The following PPFIA2 variants were observed in gnomAD, a reference collection of about 807,000 sequenced individuals.
The protein encoded by PPFIA2 is liprin-alpha-2.
In PPFIA2, 46 loss-of-function variants were observed where a neutral mutation model predicts 175.5. That is an observed-to-expected ratio of 0.26 (90% CI 0.21 to 0.34). PPFIA2 has a LOEUF of 0.34. PPFIA2 is among the 10% of genes least tolerant of loss of function. The pLI, the probability that PPFIA2 is intolerant of heterozygous loss-of-function variation, is 1.00. For missense variants in PPFIA2, 1,179 were observed against 1,506.1 expected (o/e 0.78, Z 3.60); for synonymous variants, 568 against 511.4 (o/e 1.11, Z -1.49).
chr12:81,696,272 C>T (rs1332349396), intron 3 of PPFIA2, among the ~76,000 whole-genome samples: 2 of 152,086 alleles, frequency 1.3e-5, no homozygotes, highest in African/African-American at 4.8e-5. Flanking sequence ...CAGTAGTAGA[C>T]AGTGAAATAC....
chr12:81,455,961 A>C (rs1322060001), intron 5 of PPFIA2, among the ~76,000 whole-genome samples: 1 of 152,176 alleles, frequency 6.6e-6, no homozygotes, highest in Non-Finnish European at 1.5e-5. Context: ...GGGGCTGAAG[A>C]AAAAAGGCTA....
At chr12:81,436,081 C>A (rs2048933672) in intron 7 of PPFIA2, among the ~76,000 whole-genome samples, 1 of 151,334 alleles carries the variant, frequency 6.6e-6, no homozygotes, top group African/African-American at 2.4e-5. Flanking sequence ...AGTTAAAGAC[C>A]AGCCTGGGCA....
At chr12:81,717,281 GTTC>G (rs72411865) in intron 3 of PPFIA2, among the ~76,000 whole-genome samples, 48,212 of 151,326 alleles carry the variant, frequency 0.32, 8,591 homozygotes, top group Middle Eastern at 0.48. Context: ...ATGAAACAGT[GTTC>G]TTCTTTTGTT....
At chr12:81,294,658 T>C in intron 24 of PPFIA2, 177 bp downstream of exon 24, 1 of 635,410 alleles carries the variant, frequency 1.6e-6, no homozygotes, top group African/African-American at 1.8e-5. Context: ...TGAATCATAG[T>C]TCCTCATTTG....
chr12:81,688,802 A>AATATAT (rs3075480), intron 3 of PPFIA2, among the ~76,000 whole-genome samples: 33,337 of 140,408 alleles, frequency 0.24, 4,141 homozygotes, highest in Non-Finnish European at 0.28. Context: ...TGGTTTATTA[A>AATATAT]ATATATATAT....
chr12:81,298,968 T>A (rs1418391436), intron 23 of PPFIA2, among the ~76,000 whole-genome samples: 1 of 152,144 alleles, frequency 6.6e-6, no homozygotes, highest in African/African-American at 2.4e-5. Context: ...GTCTTCTCTG[T>A]AACCTGCTAA....
intron 4 of PPFIA2, among the ~76,000 whole-genome samples, chr12:81,467,936 A>C (rs2056003359): frequency 6.6e-6 from 1 of 152,070 alleles, no homozygotes; most frequent in Non-Finnish European, 1.5e-5. Context: ...TCCTGCTCTA[A>C]GTTTGAGTGG....
chr12:81,498,987 C>A (rs1006007154), intron 4 of PPFIA2, among the ~76,000 whole-genome samples: 4 of 152,168 alleles, frequency 2.6e-5, no homozygotes, highest in Non-Finnish European at 5.9e-5. Context: ...AACTGTGCAT[C>A]AAGCAATAGA....
chr12:81,686,214 A>T (rs554406448), intron 3 of PPFIA2, among the ~76,000 whole-genome samples: 79 of 152,076 alleles, frequency 5.2e-4, no homozygotes, highest in Non-Finnish European at 9.4e-4. Context: ...GAGGTGGCTG[A>T]TATCCTCTGA....
At chr12:81,337,505 G>T (rs1362422045) in intron 21 of PPFIA2, among the ~76,000 whole-genome samples, 1 of 152,034 alleles carries the variant, frequency 6.6e-6, no homozygotes, top group African/African-American at 2.4e-5. Context: ...TTTCTCAAAG[G>T]TTCTATACTT....
intron 9 of PPFIA2, among the ~76,000 whole-genome samples, chr12:81,377,230 T>C (rs535378925): frequency 2.0e-5 from 3 of 152,068 alleles, no homozygotes; most frequent in East Asian, 3.9e-4. Flanking sequence ...TTTGTATATA[T>C]AAAAAATTAA....
At chr12:81,647,968 G>A (rs2066429230) in intron 4 of PPFIA2, among the ~76,000 whole-genome samples, 1 of 146,762 alleles carries the variant, frequency 6.8e-6, no homozygotes, top group Admixed American at 6.9e-5. Context: ...AGCATTGAAA[G>A]CTAGAAGACA....
intron 4 of PPFIA2, among the ~76,000 whole-genome samples, chr12:81,542,027 C>CA (rs56288022): frequency 0.024 from 3,385 of 138,268 alleles, 55 homozygotes; most frequent in Admixed American, 0.064. Context: ...TGGTGACTTC[C>CA]AAAAAAAAAA....
chr12:81,293,309 C>CT (rs775861414), intron 24 of PPFIA2, among the ~76,000 whole-genome samples: 5 of 151,758 alleles, frequency 3.3e-5, no homozygotes, highest in South Asian at 2.1e-4. Context: ...TCATGCATGC[C>CT]TTTTTTGTCA....
chr12:81,440,366 T>C (rs1430521874), intron 6 of PPFIA2, among the ~76,000 whole-genome samples: 2 of 152,098 alleles, frequency 1.3e-5, no homozygotes, highest in Non-Finnish European at 2.9e-5. Context: ...AAAAGTATAT[T>C]ATGAATTCAT....
chr12:81,704,129 A>C (rs2076823068), intron 3 of PPFIA2, among the ~76,000 whole-genome samples: 1 of 152,166 alleles, frequency 6.6e-6, no homozygotes, highest in South Asian at 2.1e-4. Context: ...ACTTTGCAGC[A>C]CTCAATATGT....
At chr12:81,521,778 C>T (rs1313686038) in intron 4 of PPFIA2, among the ~76,000 whole-genome samples, 10 of 151,540 alleles carry the variant, frequency 6.6e-5, no homozygotes, top group Admixed American at 6.6e-4. Context: ...TGAGATCGCG[C>T]CGCTGCACTC....
At chr12:81,678,663 A>G (rs1466932677) in intron 3 of PPFIA2, among the ~76,000 whole-genome samples, 4 of 151,908 alleles carry the variant, frequency 2.6e-5, no homozygotes, top group Non-Finnish European at 5.9e-5. Context: ...AAAGAGGCTA[A>G]CAAAAATTGC....
intron 4 of PPFIA2, among the ~76,000 whole-genome samples, chr12:81,482,434 C>G (rs536923451): frequency 3.9e-5 from 6 of 152,300 alleles, no homozygotes; most frequent in Non-Finnish European, 4.4e-5. Flanking sequence ...AAGACACATG[C>G]ACACATATGT....
Sources: gnomAD v4.1 joint callset for allele counts (sites outside exome capture counted in the v4.1 genomes callset) on GRCh38, gnomAD v4.1.1 for gene constraint, MANE v1.5 for transcripts, NCBI Gene and HGNC (gene_info 2026-07-23, HGNC 2026-07-21) for gene names.